Variants in KCTD5 observed in about 807,000 individuals in gnomAD.
KCTD5 encodes BTB/POZ domain-containing protein KCTD5.
KCTD5 carries 12 observed loss-of-function variants against 27.9 expected under a neutral mutation model. The ratio of observed to expected loss-of-function variants is 0.43; its 90% CI spans 0.28 to 0.70. The LOEUF (loss-of-function observed/expected upper bound fraction) is 0.70, where lower values mean the gene tolerates loss of function less well. Among genes scored for constraint, KCTD5 ranks in the 30% least tolerant of loss-of-function variants. The pLI is 0.19. For synonymous variants in KCTD5, 147 were observed against 121.4 expected (o/e 1.21, Z -1.39); for missense variants, 226 against 274.8 (o/e 0.82, Z 1.26).
At chr16:2,682,975 T>A in intron 1 of KCTD5, 175 bp downstream of exon 1, 13 of 693,096 alleles carry the variant, frequency 1.9e-5, no homozygotes, top group South Asian at 2.5e-5. Context: ...TCCCCTACCC[T>A]GGGAGGGGAG....
Position 2,708,001 on chromosome 16 carries a change from T to C in KCTD5, c.*674T>C, listed in dbSNP as rs1404133769. On this transcript the variant is annotated 3_prime_UTR_variant, in exon 6 of 6. Coordinates refer to ENST00000301738, the MANE Select transcript of KCTD5 (RefSeq NM_018992.4). Reference sequence around the variant, plus strand: ...GAGAACTTTGTACCCCTTCTCTGTGTGGATAGACTCCCCAGCGTTTTTCCT... The same window carrying C: ...GAGAACTTTGTACCCCTTCTCTGTGCGGATAGACTCCCCAGCGTTTTTCCT... 1 of 153,900 alleles carries C rather than the reference T, an allele frequency of 6.5e-6. No individual in the cohort carries two copies. Among genetic ancestry groups the C allele is most frequent in the African/African-American group, 2.4e-5 (1 of 41,490 alleles). 9.5% of individuals were successfully genotyped at this position (153,900 alleles called of 1,614,324 possible). A position where few individuals can be genotyped will look rare whatever the true frequency, so the allele number is the denominator to read the frequency against.
At chr16:2,702,731 A>G (rs972877463) in intron 5 of KCTD5, among the ~76,000 whole-genome samples, 17 of 152,112 alleles carry the variant, frequency 1.1e-4, no homozygotes, top group African/African-American at 3.4e-4. Flanking sequence ...TGCAGGGGCC[A>G]TGCTCTTAGG....
At chr16:2,692,518 A>G (rs763431047) in intron 1 of KCTD5, among the ~76,000 whole-genome samples, 3 of 152,034 alleles carry the variant, frequency 2.0e-5, no homozygotes, top group Non-Finnish European at 2.9e-5. Flanking sequence ...CCACTTGCCA[A>G]TTGTCTCTGT....
intron 5 of KCTD5, among the ~76,000 whole-genome samples, chr16:2,702,689 A>C (rs2067617816): frequency 6.6e-6 from 1 of 152,200 alleles, no homozygotes; most frequent in Non-Finnish European, 1.5e-5. Flanking sequence ...GCCTGCATGC[A>C]GAGCTGCTCC....
chr16:2,696,799 T>C (rs1418840330), intron 2 of KCTD5, among the ~76,000 whole-genome samples: 1 of 152,258 alleles, frequency 6.6e-6, no homozygotes, highest in Non-Finnish European at 1.5e-5. Context: ...TGACGGGGGC[T>C]GTGGCCCAGC....
intron 2 of KCTD5, among the ~76,000 whole-genome samples, chr16:2,696,947 T>G (rs1476705115): frequency 6.6e-6 from 1 of 152,224 alleles, no homozygotes; most frequent in Non-Finnish European, 1.5e-5. Context: ...GAGGCTTCGC[T>G]TTATCTCATT....
At chr16:2,691,960 G>C (rs1057125350) in intron 1 of KCTD5, among the ~76,000 whole-genome samples, 8 of 152,228 alleles carry the variant, frequency 5.3e-5, no homozygotes, top group Non-Finnish European at 1.0e-4. Context: ...CATCAGGAAG[G>C]TTCCTGGGGC....
At chr16:2,698,779 G>T (rs935146583) in intron 3 of KCTD5, among the ~76,000 whole-genome samples, 1 of 152,232 alleles carries the variant, frequency 6.6e-6, no homozygotes, top group African/African-American at 2.4e-5. Context: ...CCTCCTGCTG[G>T]AGCTCCCTTG....
chr16:2,701,540 CT>C (rs967216711), intron 4 of KCTD5, among the ~76,000 whole-genome samples: 1 of 152,236 alleles, frequency 6.6e-6, no homozygotes, highest in Non-Finnish European at 1.5e-5. Context: ...GGCCGCCTCA[CT>C]GGGCTGGGTC....
At chr16:2,703,642 G>A (rs1306498921) in intron 5 of KCTD5, among the ~76,000 whole-genome samples, 1 of 152,202 alleles carries the variant, frequency 6.6e-6, no homozygotes, top group East Asian at 1.9e-4. Context: ...GGAGGCCTGC[G>A]GCCAGCTCAC....
intron 1 of KCTD5, among the ~76,000 whole-genome samples, chr16:2,692,016 G>A (rs867199166): frequency 6.6e-6 from 1 of 152,178 alleles, no homozygotes; most frequent in African/African-American, 2.4e-5. Flanking sequence ...TGGTCCCTCT[G>A]TCAGGAGCCT....
intron 1 of KCTD5, among the ~76,000 whole-genome samples, chr16:2,687,274 A>T (rs565108271): frequency 1.3e-5 from 2 of 152,360 alleles, no homozygotes; most frequent in South Asian, 4.1e-4. Context: ...CCTAGGAAGA[A>T]TGAAAGAAAA....
intron 2 of KCTD5, among the ~76,000 whole-genome samples, chr16:2,696,864 G>T (rs2067588441): frequency 6.6e-6 from 1 of 152,258 alleles, no homozygotes; most frequent in Non-Finnish European, 1.5e-5. Context: ...CTCTTTGGCA[G>T]GGAATGTCTT....
At chr16:2,682,902 G>A in intron 1 of KCTD5, 102 bp downstream of exon 1, 1 of 1,376,174 alleles carries the variant, frequency 7.3e-7, no homozygotes, top group East Asian at 2.9e-5. Context: ...GGGAGCGGGC[G>A]ACTCTCCTCG....
chr16:2,699,789 C>A, intron 3 of KCTD5, 32 bp from the exon 4 acceptor site: 1 of 1,603,494 alleles, frequency 6.2e-7, no homozygotes, highest in Non-Finnish European at 8.5e-7. Flanking sequence ...ACATGGGTGG[C>A]CCGCCCTTAC....
chr16:2,688,557 A>G (rs1167734792), intron 1 of KCTD5, among the ~76,000 whole-genome samples: 2 of 150,882 alleles, frequency 1.3e-5, no homozygotes, highest in Non-Finnish European at 3.0e-5. Flanking sequence ...TTTAGGAAGG[A>G]TATGCTAAGA....
intron 5 of KCTD5, among the ~76,000 whole-genome samples, chr16:2,703,065 C>T (rs914358952): frequency 4.6e-5 from 7 of 152,180 alleles, no homozygotes; most frequent in Non-Finnish European, 1.0e-4. Context: ...GCAGACTCTG[C>T]GGGGGCTCAG....
intron 4 of KCTD5, among the ~76,000 whole-genome samples, chr16:2,700,151 G>T (rs1235101097): frequency 6.6e-6 from 1 of 152,162 alleles, no homozygotes; most frequent in Non-Finnish European, 1.5e-5. Context: ...CTCCTCCCTG[G>T]CCTGCCTCTT....
At position 2,707,762 on chromosome 16, in the gene KCTD5, C is replaced by T. The variant is rs947592682; in HGVS notation, c.*435C>T. On this transcript the variant is annotated 3_prime_UTR_variant, in exon 6 of 6. Coordinates refer to ENST00000301738, the MANE Select transcript of KCTD5 (RefSeq NM_018992.4). ...CACGTCGTGGCCTCTGGTCCGACCA[C>T]CAGGCCCTAGTCTCGGTCAGGGAGT... The T allele has an allele frequency of 1.4e-5, 5 of 348,608 alleles. No individual in the cohort carries two copies. The highest frequency in any genetic ancestry group is 1.0e-4 in the African/African-American group (5 of 47,922). The allele number at this position is 348,608 out of a possible 1,614,324, so 21.6% of individuals were successfully genotyped here.
Sources: allele counts gnomAD v4.1 joint callset (sites outside exome capture counted in the v4.1 genomes callset), GRCh38; gene constraint gnomAD v4.1.1; transcripts MANE v1.5; gene names NCBI Gene and HGNC (gene_info 2026-07-23, HGNC 2026-07-21).